The following PPIL4 variants were observed in gnomAD, a reference collection of about 807,000 sequenced individuals.
PPIL4 encodes peptidylprolyl isomerase like 4.
A neutral mutation model predicts 69.1 loss-of-function variants in PPIL4; 50 were observed. The ratio of observed to expected loss-of-function variants is 0.72; its 90% CI spans 0.58 to 0.92. PPIL4 has a LOEUF of 0.92. Among genes scored for constraint, PPIL4 ranks in the 40% least tolerant of loss-of-function variants. The pLI, the probability that PPIL4 is intolerant of heterozygous loss-of-function variation, is 0.00. For synonymous variants in PPIL4, 193 were observed against 191.6 expected (o/e 1.01, Z -0.06); for missense variants, 480 against 587.9 (o/e 0.82, Z 1.90).
intron 7 of PPIL4, among the ~76,000 whole-genome samples, chr6:149,529,676 T>A (rs771424702): frequency 2.8e-4 from 42 of 148,422 alleles, no homozygotes; most frequent in Admixed American, 1.5e-3. Flanking sequence ...GGCAGGAGAA[T>A]CTCTTGAACC....
intron 9 of PPIL4, among the ~76,000 whole-genome samples, chr6:149,523,671 AC>A (rs1399312006): frequency 6.6e-6 from 1 of 152,054 alleles, no homozygotes; most frequent in African/African-American, 2.4e-5. Flanking sequence ...AGCCTGGGTG[AC>A]AAAGCAAAAC....
Position 149,505,551 on chromosome 6 carries a change from A to G in PPIL4, c.1381T>C (p.Tyr461His), listed in dbSNP as rs779426380. The change falls in exon 13 of 13, where the codon TAC (tyrosine) becomes CAC (histidine). Residue 461 changes from tyrosine to histidine, a missense_variant. Coordinates refer to ENST00000253329, the MANE Select transcript of PPIL4 (RefSeq NM_139126.4). ...TCTCTTTCATAAAGATCTGTTTGGT[A>G]TTTTGATTTATGACTATTACTATAA... ...GHYSNSHKSK[Y>H]QTDLYERERS... The G allele has an allele frequency of 1.4e-5, 22 of 1,613,804 alleles. No individual in the cohort carries two copies. Among genetic ancestry groups the G allele is most frequent in the Non-Finnish European group, 1.9e-5 (22 of 1,179,950 alleles).
In PPIL4 at chr6:149,545,930, C is replaced by T. The variant is rs200770586; in HGVS notation, c.70+6G>A. ...CGGCGACAGGTGAGTGGGGCTCAAG[C>T]CTCACCACGCGGCCGTTCTTCGGTG... On this transcript the variant is annotated splice_donor_region_variant and intron_variant, in intron 1 of 12. Coordinates refer to ENST00000253329, the MANE Select transcript of PPIL4 (RefSeq NM_139126.4). The T allele has an allele frequency of 1.6e-5, 25 of 1,582,654 alleles. No homozygotes were observed. In the East Asian group the frequency reaches 3.9e-4, roughly 25 times the overall value.
chr6:149,516,878 A>C (rs753496518), intron 11 of PPIL4: 3 of 152,412 alleles, frequency 2.0e-5, no homozygotes, highest in Non-Finnish European at 4.4e-5. Context: ...GGTAGCACAA[A>C]GGAATCAGCT....
At chr6:149,505,827 A>T in intron 12 of PPIL4, 123 bp from the exon 13 acceptor site, 1 of 740,748 alleles carries the variant, frequency 1.3e-6, no homozygotes, top group Non-Finnish European at 2.2e-6. Context: ...AAATGTGAAC[A>T]CTACCACTAA....
intron 1 of PPIL4, among the ~76,000 whole-genome samples, chr6:149,541,962 C>A (rs1224152248): frequency 1.3e-5 from 2 of 151,608 alleles, no homozygotes; most frequent in Non-Finnish European, 2.9e-5. Context: ...TGCAGTGAAC[C>A]AAGATCGCAC....
At chr6:149,515,561 T>G (rs187449917) in intron 11 of PPIL4, among the ~76,000 whole-genome samples, 2 of 152,150 alleles carry the variant, frequency 1.3e-5, no homozygotes, top group Admixed American at 6.5e-5. Flanking sequence ...TAATGTCTGG[T>G]TTTTTTTCCC....
intron 7 of PPIL4, among the ~76,000 whole-genome samples, chr6:149,531,345 CAGAGCG>C (rs891972424): frequency 3.7e-4 from 49 of 132,092 alleles, no homozygotes; most frequent in Non-Finnish European, 6.7e-4. Context: ...AGCCTGATAA[CAGAGCG>C]AGATTCTGTC....
At chr6:149,536,621 A>C (rs1337493258) in intron 4 of PPIL4, among the ~76,000 whole-genome samples, 1 of 152,080 alleles carries the variant, frequency 6.6e-6, no homozygotes, top group Non-Finnish European at 1.5e-5. Context: ...CCCTAACTTT[A>C]TTCAATTCTA....
chr6:149,534,370 G>A (rs1777242652), intron 6 of PPIL4, among the ~76,000 whole-genome samples: 1 of 152,150 alleles, frequency 6.6e-6, no homozygotes, highest in Non-Finnish European at 1.5e-5. Context: ...GTCCCCAGTT[G>A]AAAAGTTACC....
intron 7 of PPIL4, 142 bp downstream of exon 7, chr6:149,533,316 C>T: frequency 1.7e-6 from 1 of 576,780 alleles, no homozygotes; most frequent in Non-Finnish European, 3.1e-6. Context: ...CAATTTATTA[C>T]TATGCCATAC....
At chr6:149,545,002 A>C (rs1464978144) in intron 1 of PPIL4, among the ~76,000 whole-genome samples, 2 of 152,146 alleles carry the variant, frequency 1.3e-5, no homozygotes, top group Admixed American at 1.3e-4. Flanking sequence ...TCTCAAAACA[A>C]GTATGCCATG....
Position 149,525,225 on chromosome 6 carries a change from TAA to T in PPIL4, c.804-18_804-17del, listed in dbSNP as rs1475248727. ...AACTTCACAACTGAAAGAAAGTATTTAAAAGTGACTTAAAAAAAAAAAAAAGG... is the reference window on the plus strand; with the variant it reads ...AACTTCACAACTGAAAGAAAGTATTTAAGTGACTTAAAAAAAAAAAAAAGG... On this transcript the variant is annotated splice_polypyrimidine_tract_variant and intron_variant, in intron 8 of 12. Transcript: ENST00000253329. The T allele has an allele frequency of 7.2e-7, 1 of 1,395,418 alleles. No individual in the cohort carries two copies. Among genetic ancestry groups the T allele is most frequent in the South Asian group, 1.3e-5 (1 of 79,044 alleles). 86.4% of individuals were successfully genotyped at this position (1,395,418 alleles called of 1,614,324 possible). A position where few individuals can be genotyped will look rare whatever the true frequency, so the allele number is the denominator to read the frequency against.
At position 149,504,934 on chromosome 6, in the gene PPIL4, G is replaced by A. The variant is rs554875035; in HGVS notation, c.*519C>T. On this transcript the variant is annotated 3_prime_UTR_variant, in exon 13 of 13. Coordinates refer to ENST00000253329, the MANE Select transcript of PPIL4 (RefSeq NM_139126.4). ...AGAAAGTCACAGAAGTAAACATTTT[G>A]CCATTTATATAAAATTCAGAAACAT... The A allele has an allele frequency of 6.6e-6, 1 of 152,354 alleles. No individual in the cohort carries two copies. Among genetic ancestry groups the A allele is most frequent in the South Asian group, 2.1e-4 (1 of 4,828 alleles). The allele number at this position is 152,354 out of a possible 1,614,324, so 9.4% of individuals were successfully genotyped here.
intron 1 of PPIL4, among the ~76,000 whole-genome samples, chr6:149,545,702 G>A (rs1343489018): frequency 6.6e-6 from 1 of 152,088 alleles, no homozygotes; most frequent in East Asian, 1.9e-4. Flanking sequence ...CGCAAGCACC[G>A]TCCACCGGAC....
chr6:149,509,237 C>T (rs1463867778), intron 12 of PPIL4, among the ~76,000 whole-genome samples: 1 of 152,024 alleles, frequency 6.6e-6, no homozygotes, highest in East Asian at 1.9e-4. Context: ...ATAGCATTCC[C>T]CCAAAATCTT....
At chr6:149,513,342 A>G (rs1197248902) in intron 11 of PPIL4, among the ~76,000 whole-genome samples, 1 of 128,840 alleles carries the variant, frequency 7.8e-6, no homozygotes, top group Admixed American at 9.2e-5. Context: ...CCGAGGTTGC[A>G]CTACTGCACT....
chr6:149,519,527 C>T (rs2115031192), intron 10 of PPIL4, among the ~76,000 whole-genome samples: 1 of 152,288 alleles, frequency 6.6e-6, no homozygotes, highest in Admixed American at 6.5e-5. Flanking sequence ...ATCACTCAAA[C>T]AGCACTGTCA....
chr6:149,515,530 G>A (rs766186816), intron 11 of PPIL4, among the ~76,000 whole-genome samples: 16 of 152,104 alleles, frequency 1.1e-4, no homozygotes, highest in Non-Finnish European at 1.8e-4. Flanking sequence ...TAATTTAGAC[G>A]TATTTAGAAT....
Sources: allele counts gnomAD v4.1 joint callset (sites outside exome capture counted in the v4.1 genomes callset), GRCh38; gene constraint gnomAD v4.1.1; transcripts MANE v1.5; gene names NCBI Gene and HGNC (gene_info 2026-07-23, HGNC 2026-07-21).